The following RPL17 variants were observed in gnomAD, a reference collection of about 807,000 sequenced individuals.
The protein encoded by RPL17 is ribosomal protein L17.
A neutral mutation model predicts 27.7 loss-of-function variants in RPL17; 2 were observed. The ratio of observed to expected loss-of-function variants is 0.07; its 90% CI spans 0.03 to 0.23. The LOEUF is 0.23. Among genes scored for constraint, RPL17 ranks in the 10% least tolerant of loss-of-function variants. The pLI, the probability that RPL17 is intolerant of heterozygous loss-of-function variation, is 1.00. For missense variants in RPL17, 141 were observed against 238.8 expected, an observed-to-expected ratio of 0.59 and a Z score of 2.70; for synonymous variants, 76 against 75.5, an observed-to-expected ratio of 1.01 and a Z score of -0.03.
At chr18:49,489,196 A>G (rs568588295) in intron 6 of RPL17, 163 bp downstream of exon 6, 2 of 695,086 alleles carry the variant, frequency 2.9e-6, no homozygotes, top group East Asian at 5.6e-5. Flanking sequence ...ACCATTTATT[A>G]TTAGTCAAGA....
chr18:49,490,489 T>C lies in RPL17; in HGVS notation c.280A>G (p.Met94Val), dbSNP rs963793560. Residue 94 changes from methionine (M) to valine (V), a missense_variant, in exon 5 of 7, where the codon ATG becomes GTG. By Grantham distance (21) the Met-to-Val change is conservative (BLOSUM62 1). Transcript: ENST00000580261. The stretch of plus-strand genomic sequence containing the variant: ...GCATTACTCTCTGCGTTTTTAAGCA[T>C]GTGCAGCAAAAATTCAGCACTCTTT... ...PKKSAEFLLH[M>V]LKNAESNAEL... The C allele has an allele frequency of 2.2e-5, 35 of 1,613,900 alleles. No homozygotes were observed. Among genetic ancestry groups the C allele is most frequent in the Non-Finnish European group, 3.0e-5 (35 of 1,179,890 alleles).
rs540763825 is a variant in RPL17, at chr18:49,491,399, G to A, written c.81+6C>T. 10 of 1,613,868 alleles carry A rather than the reference G, an allele frequency of 6.2e-6. No homozygotes were observed. In the East Asian group the frequency reaches 8.9e-5, roughly 14 times the overall value. On this transcript the variant is annotated splice_donor_region_variant and intron_variant, in intron 3 of 6. Transcript: ENST00000580261. The stretch of plus-strand genomic sequence containing the variant: ...AACTGTTGGATCACAACTATGAATC[G>A]CATACCTTAAAGTGAACACGAAGAT...
chr18:49,491,352 CTTTT>C, intron 3 of RPL17, 49 bp downstream of exon 3: 3 of 1,613,546 alleles, frequency 1.9e-6, no homozygotes, highest in Non-Finnish European at 2.5e-6. Flanking sequence ...CTGCAGCTAC[CTTTT>C]TTGAGTGGAA....
chr18:49,490,393 G>T (rs531016013), intron 5 of RPL17, 61 bp downstream of exon 5: 17 of 1,560,692 alleles, frequency 1.1e-5, no homozygotes, highest in Middle Eastern at 1.8e-4. Context: ...ACATAAATCT[G>T]AACAGCCAAC....
At chr18:49,490,993 A>G in intron 3 of RPL17, 66 bp from the exon 4 acceptor site, 4 of 1,594,032 alleles carry the variant, frequency 2.5e-6, no homozygotes, top group Non-Finnish European at 3.4e-6. Flanking sequence ...TAAACGTTAA[A>G]TTTTCAATTT....
At chr18:49,491,337 C>G (rs763827854) in intron 3 of RPL17, 68 bp downstream of exon 3, 2 of 1,608,880 alleles carry the variant, frequency 1.2e-6, no homozygotes, top group South Asian at 2.2e-5. Flanking sequence ...CTAAGAAAGT[C>G]ATCACTGCAG....
intron 6 of RPL17, 92 bp downstream of exon 6, chr18:49,489,267 C>T: frequency 7.1e-7 from 1 of 1,403,504 alleles, no homozygotes; most frequent in East Asian, 2.3e-5. Flanking sequence ...AGTTTTCTTT[C>T]ATAGTTATTC....
At position 49,491,491 on chromosome 18, in the gene RPL17, G is replaced by C. The variant is rs371357830; in HGVS notation, c.40+41C>G. ...GTTAATTTTTGGTATCTTATGCCAA[G>C]CCCCAAGTAGGAAATGGGTATCTAC... On this transcript the variant is annotated intron_variant, in intron 2 of 6. Transcript: ENST00000580261. 8.9e-4 allele frequency: 1,430 copies of C among 1,614,140 alleles called. 28 individuals carry two copies. The South Asian group carries it at 0.015, about 17-fold the overall frequency.
intron 1 of RPL17, chr18:49,492,127 TCAC>T (rs1222467763): frequency 5.0e-6 from 1 of 198,134 alleles, no homozygotes; most frequent in Admixed American, 5.3e-5. Flanking sequence ...CGGCCACCAC[TCAC>T]CACTAGACAC....
In RPL17 at chr18:49,489,480, G is replaced by T. The variant is rs1252547411; in HGVS notation, c.386C>A (p.Thr129Asn). Residue 129 changes from threonine to asparagine, a missense_variant, in exon 6 of 7, where the codon ACC becomes AAC. By Grantham distance (65) the Thr-to-Asn change is moderately conservative. Around this residue, in one of 2 missense-constraint regions of RPL17, gnomAD observed 34 missense variants for 88.8 expected, o/e 0.38. Coordinates refer to ENST00000580261, the MANE Select transcript of RPL17 (RefSeq NM_001035006.5). ...GTTAATCCGACCATGAGCTCTGTAG[G>T]TCCGGCGGCGCATCTTAGGTGCTTT... ...VNKAPKMRRRTYRAHGRINPY... is the reference protein window; with the variant it reads ...VNKAPKMRRRNYRAHGRINPY... The T allele has an allele frequency of 6.2e-7, 1 of 1,604,030 alleles. No individual in the cohort carries two copies. Among genetic ancestry groups the T allele is most frequent in the Non-Finnish European group, 8.5e-7 (1 of 1,179,872 alleles).
chr18:49,491,761 C>T (rs939351168), intron 1 of RPL17, 177 bp from the exon 2 acceptor site: 15 of 854,014 alleles, frequency 1.8e-5, no homozygotes, highest in Non-Finnish European at 3.0e-5. Context: ...GCTTGCTTTC[C>T]CTTTTATCTT....
chr18:49,490,157 G>T (rs1568502002), intron 5 of RPL17: 1 of 325,962 alleles, frequency 3.1e-6, no homozygotes, highest in Non-Finnish European at 5.7e-6. Context: ...CACAAAAAGG[G>T]GTAAAAGCCC....
At chr18:49,490,121 T>C (rs2083946498) in intron 5 of RPL17, 2 of 247,846 alleles carry the variant, frequency 8.1e-6, no homozygotes, top group Non-Finnish European at 1.6e-5. Context: ...ATTTTGATAA[T>C]TAATCATACT....
chr18:49,490,024 A>C (rs1011828124), intron 5 of RPL17, among the ~76,000 whole-genome samples: 2 of 152,208 alleles, frequency 1.3e-5, no homozygotes, highest in Non-Finnish European at 2.9e-5. Context: ...ACTTTTTGAA[A>C]TTTTAAACAA....
Position 49,490,921 on chromosome 18 carries a change from G to C in RPL17, c.88C>G (p.Arg30Gly). ...CCCTTGATGGCCTGAGCAGTTTCACGAGTGTTCTAAGTATGAAGAATAAAG... is the reference window on the plus strand; with the variant it reads ...CCCTTGATGGCCTGAGCAGTTTCACCAGTGTTCTAAGTATGAAGAATAAAG... The part of the protein sequence containing the change: ...SNLRVHFKNT[R>G]ETAQAIKGMH... Residue 30 changes from arginine to glycine, a missense_variant, in exon 4 of 7, where the codon CGT becomes GGT. Around this residue, in one of 2 missense-constraint regions of RPL17, gnomAD observed 107 missense variants for 150.1 expected, o/e 0.71. Transcript: ENST00000580261. The C allele has an allele frequency of 6.2e-7, 1 of 1,613,772 alleles. No homozygotes were observed. Among genetic ancestry groups the C allele is most frequent in the Non-Finnish European group, 8.5e-7 (1 of 1,179,872 alleles).
In RPL17 at chr18:49,488,576, GA is replaced by G; in HGVS notation, c.508-11del. ...GTTTCTTCTGGGATATCTGGGGAAA[GA>G]AAAATGTGTTAAGTTTCTTAGAGAA... is the stretch of plus-strand genomic sequence containing the variant. On this transcript the variant is annotated splice_polypyrimidine_tract_variant and intron_variant, in intron 6 of 6. Transcript: ENST00000580261. 4 of 1,513,606 alleles carry G rather than the reference GA, an allele frequency of 2.6e-6. No homozygotes were observed. The highest frequency in any genetic ancestry group is 2.7e-6 in the Non-Finnish European group (3 of 1,109,458). 93.8% of individuals were successfully genotyped at this position (1,513,606 alleles called of 1,614,324 possible).
At position 49,491,564 on chromosome 18, in the gene RPL17, C is replaced by G; in HGVS notation, c.8G>C (p.Arg3Pro). The G allele has an allele frequency of 1.2e-6, 2 of 1,614,140 alleles. No homozygotes were observed. Among genetic ancestry groups the G allele is most frequent in the South Asian group, 1.1e-5 (1 of 91,076 alleles). ...GGGGTTCTCCGGGTCAAGTGAATAG[C>G]GAACCATTTTCACAGATCACCTAGA... The part of the protein sequence containing the change: MV[R>P]YSLDPENPTK... Residue 3 changes from arginine to proline, a missense_variant, in exon 2 of 7, where the codon CGC (arginine) becomes CCC (proline). This residue lies in a region of RPL17 where 107 missense variants were observed against 150.1 expected (regional missense o/e 0.71). Coordinates refer to ENST00000580261, the MANE Select transcript of RPL17 (RefSeq NM_001035006.5).
chr18:49,491,752 C>G (rs774289716), intron 1 of RPL17, 168 bp from the exon 2 acceptor site: 2 of 896,396 alleles, frequency 2.2e-6, no homozygotes, highest in Admixed American at 3.4e-5. Flanking sequence ...CCACCAAGGG[C>G]TTGCTTTCCC....
At chr18:49,490,623 C>A (rs576884946) in intron 4 of RPL17, 71 bp from the exon 5 acceptor site, 230 of 1,605,804 alleles carry the variant, frequency 1.4e-4, no homozygotes, top group Admixed American at 3.5e-4. Flanking sequence ...ATGAATTTAT[C>A]TGATATCACG....
Sources: gnomAD v4.1 joint callset for allele counts (sites outside exome capture counted in the v4.1 genomes callset) on GRCh38, gnomAD v4.1.1 for gene constraint, gnomAD v4.1.1 regional missense constraint, MANE v1.5 for transcripts, NCBI Gene and HGNC (gene_info 2026-07-23, HGNC 2026-07-21) for gene names.